Variants in SOX5 observed in about 807,000 individuals in gnomAD.
SOX5 encodes the protein SRY-box transcription factor 5.
A neutral mutation model predicts 92.0 loss-of-function variants in SOX5; 9 were observed. The ratio of observed to expected loss-of-function variants is 0.10; its 90% CI spans 0.06 to 0.17. The LOEUF is 0.17. SOX5 is among the 10% of genes least tolerant of loss of function. The probability of loss-of-function intolerance (pLI) is 1.00; values close to 1 mark genes in which losing one functional copy is unlikely to be tolerated. For synonymous variants in SOX5, 344 were observed against 336.3 expected (o/e 1.02, Z -0.25); for missense variants, 642 against 944.5 (o/e 0.68, Z 4.20).
chr12:24,303,734 T>C (rs117575831), intron 2 of SOX5, among the ~76,000 whole-genome samples: 475 of 152,224 alleles, frequency 3.1e-3, no homozygotes, highest in Admixed American at 6.5e-3. Flanking sequence ...GTGTTCTGTT[T>C]GTAGAAAGCA....
At chr12:24,100,752 C>G (rs918533931) in intron 4 of SOX5, among the ~76,000 whole-genome samples, 1 of 152,042 alleles carries the variant, frequency 6.6e-6, no homozygotes, top group Non-Finnish European at 1.5e-5. Context: ...CCAAACAGAG[C>G]GCCCAGAACT....
chr12:24,397,810 G>A (rs551870657), intron 1 of SOX5, among the ~76,000 whole-genome samples: 1 of 151,694 alleles, frequency 6.6e-6, no homozygotes, highest in Non-Finnish European at 1.5e-5. Flanking sequence ...CATATTCTTT[G>A]CATCTTCATA....
chr12:24,557,525 C>T (rs1953927065), intron 1 of SOX5, among the ~76,000 whole-genome samples: 1 of 152,082 alleles, frequency 6.6e-6, no homozygotes, highest in Non-Finnish European at 1.5e-5. Context: ...ATGAGATAGC[C>T]TTTCTCCTCT....
chr12:24,295,011 T>C (rs1007530793), intron 2 of SOX5, among the ~76,000 whole-genome samples: 1 of 152,322 alleles, frequency 6.6e-6, no homozygotes, highest in Non-Finnish European at 1.5e-5. Context: ...CCCAAGTTTG[T>C]GGTTTTTATA....
intron 4 of SOX5, among the ~76,000 whole-genome samples, chr12:23,984,977 A>G (rs141170377): frequency 5.7e-4 from 87 of 152,324 alleles, no homozygotes; most frequent in Admixed American, 2.2e-3. Context: ...CTTGAGCAGT[A>G]GGATATAAAT....
intron 6 of SOX5, among the ~76,000 whole-genome samples, chr12:23,724,867 G>C (rs2093031651): frequency 6.6e-6 from 1 of 152,202 alleles, no homozygotes; most frequent in African/African-American, 2.4e-5. Flanking sequence ...ACATTTAAAA[G>C]ATCACTCTAG....
At chr12:24,213,238 A>C (rs1172609825) in intron 4 of SOX5, 1 of 152,068 alleles carries the variant, frequency 6.6e-6, no homozygotes, top group Non-Finnish European at 1.5e-5. Context: ...GCAAACCAAG[A>C]ACAACTCAAG....
intron 9 of SOX5, among the ~76,000 whole-genome samples, chr12:23,596,634 A>G (rs1031541844): frequency 6.6e-6 from 1 of 152,218 alleles, no homozygotes; most frequent in African/African-American, 2.4e-5. Flanking sequence ...TCAATAGTTT[A>G]GCATAAAAAA....
chr12:23,596,253 G>A (rs981290763), intron 9 of SOX5, among the ~76,000 whole-genome samples: 5 of 151,862 alleles, frequency 3.3e-5, no homozygotes, highest in Non-Finnish European at 5.9e-5. Context: ...TCTCCATTTC[G>A]TAATGTTTAA....
chr12:24,230,218 C>T (rs1963078614), intron 3 of SOX5, among the ~76,000 whole-genome samples: 1 of 152,116 alleles, frequency 6.6e-6, no homozygotes, highest in Non-Finnish European at 1.5e-5. Context: ...CGTCCTAAAA[C>T]TCCCACAGAG....
chr12:23,995,041 A>G (rs952849545), intron 4 of SOX5, among the ~76,000 whole-genome samples: 5 of 152,136 alleles, frequency 3.3e-5, no homozygotes, highest in Non-Finnish European at 7.4e-5. Context: ...TGCCAACTAT[A>G]TTTTCTTCCA....
Position 23,533,244 on chromosome 12 carries a change from C to T in SOX5, c.*975G>A, listed in dbSNP as rs1490558011. ...ATTCCTATTATTAGTACCATAATCA[C>T]ATACATACATACACACAAAAATCCA... is the stretch of plus-strand genomic sequence containing the variant. On this transcript the variant is annotated 3_prime_UTR_variant, in exon 15 of 15. Coordinates refer to ENST00000451604, the MANE Select transcript of SOX5 (RefSeq NM_006940.6). The T allele has an allele frequency of 2.3e-6, 1 of 433,886 alleles. No individual in the cohort carries two copies. Among genetic ancestry groups the T allele is most frequent in the South Asian group, 1.6e-5 (1 of 60,856 alleles). The allele number at this position is 433,886 out of a possible 1,614,324, so 26.9% of individuals were successfully genotyped here.
At chr12:24,358,598 C>T (rs1392364132) in intron 2 of SOX5, among the ~76,000 whole-genome samples, 3 of 142,928 alleles carry the variant, frequency 2.1e-5, no homozygotes, top group African/African-American at 5.1e-5. Context: ...GGCAACAGAG[C>T]GAGACTCCAT....
intron 4 of SOX5, among the ~76,000 whole-genome samples, chr12:24,077,859 T>C (rs1251321619): frequency 6.8e-6 from 1 of 147,028 alleles, no homozygotes; most frequent in African/African-American, 2.5e-5. Flanking sequence ...CAATTTAAAA[T>C]CTTAACAACA....
At chr12:24,201,014 G>C (rs1315488946) in intron 4 of SOX5, among the ~76,000 whole-genome samples, 1 of 152,068 alleles carries the variant, frequency 6.6e-6, no homozygotes, top group Non-Finnish European at 1.5e-5. Flanking sequence ...GGTCAGGGAG[G>C]AACTATCACA....
At chr12:23,701,097 A>AT (rs2090570053) in intron 6 of SOX5, among the ~76,000 whole-genome samples, 1 of 151,906 alleles carries the variant, frequency 6.6e-6, no homozygotes, top group South Asian at 2.1e-4. Context: ...GAACCAATAG[A>AT]TTTTTGAATT....
rs78736625 is a variant in SOX5, at chr12:24,098,410, C to T, written c.-2+114933G>A. On this transcript the variant is annotated intron_variant, in intron 4 of 4. Transcript: ENST00000446891. ...ATTTTAGTATGCACATACACACACA[C>T]GGTAGTTTTCAATTGCTTGGAAATT... is the stretch of plus-strand genomic sequence containing the variant. 6.3e-3 allele frequency among the ~76,000 whole-genome samples: 959 copies of T among 152,182 alleles called. 7 individuals are homozygous for T. Among genetic ancestry groups the T allele is most frequent in the South Asian group, 0.032 (156 of 4,828 alleles).
intron 4 of SOX5, among the ~76,000 whole-genome samples, chr12:23,985,242 TTTTA>T (rs149488251): frequency 1.3e-5 from 2 of 149,090 alleles, no homozygotes; most frequent in Non-Finnish European, 3.0e-5. Flanking sequence ...TTTTTTTGAA[TTTTA>T]TTTATTTATT....
chr12:24,419,668 G>A (rs1965608635), intron 1 of SOX5, among the ~76,000 whole-genome samples: 1 of 152,164 alleles, frequency 6.6e-6, no homozygotes, highest in South Asian at 2.1e-4. Context: ...GCTATGCTGT[G>A]CTAGTGCTTA....
Sources: allele counts gnomAD v4.1 joint callset (sites outside exome capture counted in the v4.1 genomes callset), GRCh38; gene constraint gnomAD v4.1.1; transcripts MANE v1.5; gene names NCBI Gene and HGNC (gene_info 2026-07-23, HGNC 2026-07-21).